The following KIRREL1 variants were observed in gnomAD, a reference collection of about 807,000 sequenced individuals.
KIRREL1 encodes kin of IRRE-like protein 1.
KIRREL1 carries 25 observed loss-of-function variants against 83.3 expected under a neutral mutation model. That is an observed-to-expected ratio of 0.30 (90% confidence interval 0.22 to 0.42). The LOEUF (loss-of-function observed/expected upper bound fraction) is 0.42. Among genes scored for constraint, KIRREL1 ranks in the 10% least tolerant of loss-of-function variants. KIRREL1 has a pLI of 1.00. For synonymous variants in KIRREL1, 388 were observed against 410.4 expected, an observed-to-expected ratio of 0.95 and a Z score of 0.66; for missense variants, 812 against 1,032.3, an observed-to-expected ratio of 0.79 and a Z score of 2.92.
At chr1:158,045,286 C>A (rs72711931) in intron 1 of KIRREL1, among the ~76,000 whole-genome samples, 2 of 152,160 alleles carry the variant, frequency 1.3e-5, no homozygotes, top group African/African-American at 4.8e-5. Flanking sequence ...GCTGTGGGAA[C>A]GCCCAGAATC....
intron 1 of KIRREL1, among the ~76,000 whole-genome samples, chr1:158,037,938 G>T (rs150461075): frequency 1.2e-3 from 189 of 152,288 alleles, no homozygotes; most frequent in African/African-American, 4.5e-3. Flanking sequence ...GACTTCCTGC[G>T]ACTCATAACT....
intron 1 of KIRREL1, among the ~76,000 whole-genome samples, chr1:158,008,932 A>G (rs1319075701): frequency 3.3e-5 from 5 of 151,812 alleles, no homozygotes; most frequent in African/African-American, 1.2e-4. Flanking sequence ...GGGAGGGGAC[A>G]CCATTCCTGC....
chr1:158,002,946 T>TA (rs1189568140), intron 1 of KIRREL1, among the ~76,000 whole-genome samples: 1 of 152,184 alleles, frequency 6.6e-6, no homozygotes, highest in Non-Finnish European at 1.5e-5. Flanking sequence ...GCAGTTTATA[T>TA]AAAGCACACT....
rs151061979 is a variant in KIRREL1 at position 157,997,922 on chromosome 1, C to A, written c.52+4194C>A. Among the ~76,000 whole-genome samples, 455 of 152,246 alleles carry A rather than the reference C, an allele frequency of 3.0e-3. 1 individual carries two copies. The highest frequency in any genetic ancestry group is 0.011 in the African/African-American group (437 of 41,544). On this transcript the variant is annotated intron_variant, in intron 1 of 14. Transcript: ENST00000359209. Reference sequence around the variant, plus strand: ...TTTTAGATAGGGTCTTGCTCTGCTGCCCAGGCTAGGGTGCAGTGGTGTGAT... The same window carrying A: ...TTTTAGATAGGGTCTTGCTCTGCTGACCAGGCTAGGGTGCAGTGGTGTGAT...
At chr1:158,018,687 C>T (rs1204531958) in intron 1 of KIRREL1, among the ~76,000 whole-genome samples, 2 of 152,040 alleles carry the variant, frequency 1.3e-5, no homozygotes, top group African/African-American at 4.8e-5. Context: ...GCTGGACACC[C>T]AGACAAGGAG....
In KIRREL1 at chr1:158,094,999, G is replaced by A. The variant is rs372675836; in HGVS notation, c.2153G>A (p.Arg718Gln). The change falls in exon 15 of 15, where the codon CGG becomes CAG. Residue 718 changes from arginine (R) to glutamine (Q), a missense_variant. Arg to Gln is a conservative substitution (Grantham distance 43, BLOSUM62 1). Coordinates refer to ENST00000359209, the MANE Select transcript of KIRREL1 (RefSeq NM_018240.7). This position sits in a 1 kb window ranked among gnomAD's most constrained non-coding sequence, Gnocchi z 4.6. ...YPQAPPSGLERTPYEAYDPIG... is the reference protein window; with the variant it reads ...YPQAPPSGLEQTPYEAYDPIG... The stretch of plus-strand genomic sequence containing the variant: ...CAGGCCCCACCCTCTGGCCTGGAGC[G>A]GACCCCATATGAGGCGTATGACCCC... 36 of 1,613,872 alleles carry A rather than the reference G, an allele frequency of 2.2e-5. No homozygotes were observed. Among genetic ancestry groups the A allele is most frequent in the Middle Eastern group, 1.6e-4 (1 of 6,082 alleles).
intron 1 of KIRREL1, among the ~76,000 whole-genome samples, chr1:158,006,040 A>G (rs1659510780): frequency 6.6e-6 from 1 of 152,168 alleles, no homozygotes; most frequent in Non-Finnish European, 1.5e-5. Flanking sequence ...ACATTTAGCT[A>G]TCTGCAAGTG....
At chr1:158,029,055 G>C (rs1266688389) in intron 1 of KIRREL1, among the ~76,000 whole-genome samples, 2 of 152,156 alleles carry the variant, frequency 1.3e-5, no homozygotes, top group Non-Finnish European at 2.9e-5. Flanking sequence ...AAAGAGATAC[G>C]TATGGTCCAG....
At chr1:158,083,403 A>G (rs1037215117) in intron 3 of KIRREL1, among the ~76,000 whole-genome samples, 2 of 152,232 alleles carry the variant, frequency 1.3e-5, no homozygotes, top group Non-Finnish European at 2.9e-5. Context: ...TTGTGCATCA[A>G]CTGGGATTTG....
chr1:158,081,818 C>T (rs1197032513), intron 3 of KIRREL1, among the ~76,000 whole-genome samples: 1 of 152,150 alleles, frequency 6.6e-6, no homozygotes. Context: ...GATGGGTAGT[C>T]TTTGCATGAA....
rs1662287330 is a variant in KIRREL1, at chr1:158,094,236, A to T, written c.1720-77A>T. 1.1e-5 allele frequency: 14 copies of T among 1,267,900 alleles called. No individual in the cohort carries two copies. Among genetic ancestry groups the T allele is most frequent in the Admixed American group, 2.0e-5 (1 of 50,662 alleles). The allele number at this position is 1,267,900 out of a possible 1,614,324, so 78.5% of individuals were successfully genotyped here. A position where few individuals can be genotyped will look rare whatever the true frequency, so the allele number is the denominator to read the frequency against. On this transcript the variant is annotated intron_variant, in intron 13 of 14. Transcript: ENST00000359209. The surrounding 1 kb of genome is among the most constrained non-coding windows in gnomAD (Gnocchi z 4.6). ...CCCACCCATGAGCAGGTGGCCTCTGAGCGTGGGGAGGGGTTGGTGAGGGGC... is the reference window on the plus strand; with the variant it reads ...CCCACCCATGAGCAGGTGGCCTCTGTGCGTGGGGAGGGGTTGGTGAGGGGC...
intron 1 of KIRREL1, among the ~76,000 whole-genome samples, chr1:158,009,070 A>G (rs1384442552): frequency 6.6e-6 from 1 of 152,160 alleles, no homozygotes; most frequent in Non-Finnish European, 1.5e-5. Context: ...GGCCCAAGAG[A>G]CAGAAACCTT....
At chr1:158,065,418 G>C (rs571708989) in intron 1 of KIRREL1, among the ~76,000 whole-genome samples, 2 of 152,282 alleles carry the variant, frequency 1.3e-5, no homozygotes, top group East Asian at 3.9e-4. Flanking sequence ...GGGAGGTGTC[G>C]TGCCCAGAGG....
Position 158,088,309 on chromosome 1 carries a change from CTTCT to C in KIRREL1, c.917-13_917-10del. 6.2e-7 allele frequency: 1 copy of C among 1,603,768 alleles called. No homozygotes were observed. Among genetic ancestry groups the C allele is most frequent in the Non-Finnish European group, 8.5e-7 (1 of 1,175,994 alleles). On this transcript the variant is annotated splice_polypyrimidine_tract_variant and intron_variant, in intron 7 of 14. Coordinates refer to ENST00000359209, the MANE Select transcript of KIRREL1 (RefSeq NM_018240.7). ...ATGAGCTTGAGACCCTAACGAGTGG[CTTCT>C]TTCTCCCTCACAGTTGCTCCCCGGA...
Position 158,086,691 on chromosome 1 carries a change from C to T in KIRREL1, c.606C>T (p.Ser202=). Residue 202 remains serine, a synonymous_variant, in exon 5 of 15, where the codon AGC becomes AGT. Transcript: ENST00000359209. ...LDIGRVFTCR[S]MNEAIPSGKE... is the part of the protein sequence containing the mutation. ...TAGGGCGTGTCTTCACTTGCCGAAG[C>T]ATGAACGAAGCCATCCCTAGTGGCA... The T allele has an allele frequency of 6.4e-7, 1 of 1,551,714 alleles. No homozygotes were observed. The highest frequency in any genetic ancestry group is 8.7e-7 in the Non-Finnish European group (1 of 1,147,016).
intron 11 of KIRREL1, 92 bp downstream of exon 11, chr1:158,091,648 C>A (rs1163061668): frequency 2.1e-5 from 26 of 1,238,742 alleles, no homozygotes; most frequent in Non-Finnish European, 3.0e-5. Flanking sequence ...AGCTGCTCCC[C>A]TTCCCTTGGG....
chr1:158,046,286 G>C (rs1660774782), intron 1 of KIRREL1, among the ~76,000 whole-genome samples: 1 of 152,168 alleles, frequency 6.6e-6, no homozygotes. Context: ...GAGAGGGAAA[G>C]ATCAGTCAAA....
In KIRREL1 at chr1:158,018,434, G is replaced by A. The variant is rs1462320420; in HGVS notation, c.52+24706G>A. On this transcript the variant is annotated intron_variant, in intron 1 of 14. Transcript: ENST00000359209. ...CCGGGAGAGACCTGTGGGCAGGTAGGAGGCAGCTCATAGCATGGCCATGGA... is the reference window on the plus strand; with the variant it reads ...CCGGGAGAGACCTGTGGGCAGGTAGAAGGCAGCTCATAGCATGGCCATGGA... Among the ~76,000 whole-genome samples the A allele has an allele frequency of 2.0e-5, 3 of 152,310 alleles. No individual in the cohort carries two copies. In the East Asian group the frequency reaches 5.8e-4, roughly 29 times the overall value.
At chr1:158,079,800 C>G (rs569281668) in intron 3 of KIRREL1, among the ~76,000 whole-genome samples, 5 of 152,328 alleles carry the variant, frequency 3.3e-5, no homozygotes, top group African/African-American at 9.6e-5. Context: ...TCATCAGTAA[C>G]ATGGCATAAT....
Sources: gnomAD v4.1 joint callset for allele counts (sites outside exome capture counted in the v4.1 genomes callset) on GRCh38, gnomAD v4.1.1 for gene constraint, Gnocchi (gnomAD v3.1) non-coding constraint, MANE v1.5 for transcripts, NCBI Gene and HGNC (gene_info 2026-07-23, HGNC 2026-07-21) for gene names.